Variants in LINGO2 observed in about 807,000 individuals in gnomAD.
LINGO2 encodes leucine rich repeat and Ig domain containing 2, also known as leucine-rich repeat and immunoglobulin-like domain-containing nogo receptor-interacting protein 2.
A neutral mutation model predicts 30.6 loss-of-function variants in LINGO2; 14 were observed. The ratio of observed to expected loss-of-function variants is 0.46; its 90% confidence interval spans 0.30 to 0.72. LINGO2 has a LOEUF of 0.72. LINGO2 is among the 30% of genes least tolerant of loss of function. LINGO2 has a pLI of 0.07. For missense variants in LINGO2, 729 were observed against 751.7 expected (o/e 0.97, Z 0.35); for synonymous variants, 317 against 288.5 (o/e 1.10, Z -1.00).
chr9:29,178,411 T>G, the LINGO2 span, among the ~76,000 whole-genome samples: 1 of 152,136 alleles, frequency 6.6e-6, no homozygotes, highest in Non-Finnish European at 1.5e-5. Context: ...ATTCATATAT[T>G]TATCTATCTA....
rs141318098 is a variant in LINGO2 at position 28,651,674 on chromosome 9, T to TA, written c.-365+18525dup. On this transcript the variant is annotated intron_variant, in intron 1 of 5. Coordinates refer to ENST00000379992, the Ensembl canonical transcript of LINGO2. ...CTATGTTTTAGTAAAACTTGTTATT[T>TA]AAAAAAAAACAACAGCCTTTAGCAT... 5.3e-3 allele frequency among the ~76,000 whole-genome samples: 806 copies of TA among 151,372 alleles called. 6 individuals are homozygous for TA. Among genetic ancestry groups the TA allele is most frequent in the African/African-American group, 0.018 (761 of 41,262 alleles).
the LINGO2 span, among the ~76,000 whole-genome samples, chr9:28,714,653 G>A: frequency 3.3e-5 from 5 of 151,976 alleles, no homozygotes; most frequent in Non-Finnish European, 4.4e-5. Context: ...ATGAATTTTG[G>A]GCTCTTCTCT....
chr9:28,288,248 C>T (rs973456663), intron 4 of LINGO2, among the ~76,000 whole-genome samples: 2 of 152,142 alleles, frequency 1.3e-5, no homozygotes, highest in African/African-American at 4.8e-5. Flanking sequence ...CCCAATATCA[C>T]AATTTCAAGC....
intron 3 of LINGO2, among the ~76,000 whole-genome samples, chr9:28,336,017 T>A (rs1210284987): frequency 6.6e-6 from 1 of 152,132 alleles, no homozygotes; most frequent in Non-Finnish European, 1.5e-5. Context: ...ACCTGACAGA[T>A]TTCCAGAGTG....
At chr9:29,029,480 T>C in the LINGO2 span, among the ~76,000 whole-genome samples, 1 of 152,160 alleles carries the variant, frequency 6.6e-6, no homozygotes, top group African/African-American at 2.4e-5. Flanking sequence ...TCAGTCTTTA[T>C]AATCTCTGGC....
At chr9:28,276,022 A>G (rs1179786009) in intron 4 of LINGO2, among the ~76,000 whole-genome samples, 6 of 152,182 alleles carry the variant, frequency 3.9e-5, no homozygotes. Context: ...TGATTTATAC[A>G]AAATTAACAT....
At chr9:28,638,638 T>C (rs981388166) in intron 1 of LINGO2, among the ~76,000 whole-genome samples, 1 of 152,158 alleles carries the variant, frequency 6.6e-6, no homozygotes, top group Non-Finnish European at 1.5e-5. Flanking sequence ...TGATGGTAGT[T>C]TGTATTTCTG....
intron 3 of LINGO2, among the ~76,000 whole-genome samples, chr9:28,309,829 A>T (rs4507861): frequency 0.1 from 15,519 of 152,032 alleles, 1,024 homozygotes; most frequent in Middle Eastern, 0.26. Context: ...AAGCAAACCA[A>T]TTTAAAAAAA....
the LINGO2 span, among the ~76,000 whole-genome samples, chr9:28,848,197 TATAGTATATATATACTATATATACGC>T: frequency 9.0e-6 from 1 of 111,158 alleles, no homozygotes; most frequent in East Asian, 2.6e-4. Context: ...TATACACATA[TATAGTATATATATACTATATATACGC>T]ATAGTGTATA....
the LINGO2 span, among the ~76,000 whole-genome samples, chr9:28,788,210 A>C: frequency 6.6e-6 from 1 of 152,172 alleles, no homozygotes; most frequent in African/African-American, 2.4e-5. Flanking sequence ...TATAGAAAAA[A>C]ATTCATTAAA....
chr9:28,273,487 T>C (rs2134097529), intron 4 of LINGO2, among the ~76,000 whole-genome samples: 1 of 152,298 alleles, frequency 6.6e-6, no homozygotes, highest in South Asian at 2.1e-4. Flanking sequence ...TAGTGAGCAT[T>C]ATTCCCAAAG....
intron 4 of LINGO2, among the ~76,000 whole-genome samples, chr9:28,025,159 C>CTT (rs1399572256): frequency 5.3e-5 from 8 of 152,168 alleles, no homozygotes; most frequent in Non-Finnish European, 1.0e-4. Context: ...TGCTCCTACC[C>CTT]TTTTTTCCCC....
At chr9:28,866,720 G>A in the LINGO2 span, among the ~76,000 whole-genome samples, 4 of 152,148 alleles carry the variant, frequency 2.6e-5, no homozygotes, top group Non-Finnish European at 5.9e-5. Context: ...TCACTAATGT[G>A]AGCATGAATT....
intron 4 of LINGO2, among the ~76,000 whole-genome samples, chr9:28,281,069 T>C (rs1328876426): frequency 6.6e-6 from 1 of 152,110 alleles, no homozygotes; most frequent in Non-Finnish European, 1.5e-5. Context: ...ATATGCAAAC[T>C]TTGAAAATTA....
intron 1 of LINGO2, among the ~76,000 whole-genome samples, chr9:28,553,399 C>T (rs1015686492): frequency 1.3e-5 from 2 of 151,668 alleles, no homozygotes; most frequent in East Asian, 1.9e-4. Context: ...AGGGTATCAG[C>T]AATGGAAGAT....
intron 2 of LINGO2, among the ~76,000 whole-genome samples, chr9:28,452,312 C>T (rs1319283012): frequency 1.3e-5 from 2 of 151,712 alleles, no homozygotes; most frequent in Non-Finnish European, 3.0e-5. Flanking sequence ...AATAATAGAA[C>T]AGCTTTCACG....
chr9:28,001,923 CTG>C (rs1821977699), intron 5 of LINGO2, among the ~76,000 whole-genome samples: 1 of 152,146 alleles, frequency 6.6e-6, no homozygotes, highest in Non-Finnish European at 1.5e-5. Context: ...GAAAGTTACT[CTG>C]AGATATGAGA....
intron 4 of LINGO2, among the ~76,000 whole-genome samples, chr9:28,027,710 G>A (rs1387195806): frequency 6.6e-6 from 1 of 152,170 alleles, no homozygotes; most frequent in African/African-American, 2.4e-5. Context: ...TAAATGCGAG[G>A]TGGTATATAA....
the LINGO2 span, among the ~76,000 whole-genome samples, chr9:28,955,336 A>G: frequency 9.9e-5 from 15 of 152,158 alleles, no homozygotes; most frequent in East Asian, 1.5e-3. Flanking sequence ...TTGCTTTGAC[A>G]TAGTTTTCAA....
Sources: gnomAD v4.1 joint callset for allele counts (sites outside exome capture counted in the v4.1 genomes callset) on GRCh38, gnomAD v4.1.1 for gene constraint, MANE v1.5 for transcripts, NCBI Gene and HGNC (gene_info 2026-07-23, HGNC 2026-07-21) for gene names.